The following PCDH15 variants were observed in gnomAD, a reference collection of about 807,000 sequenced individuals.
The protein encoded by PCDH15 is protocadherin-15.
A neutral mutation model predicts 178.5 loss-of-function variants in PCDH15; 129 were observed. That is an observed-to-expected ratio of 0.72 (90% confidence interval 0.63 to 0.84). PCDH15 has a LOEUF of 0.84. Ranked by LOEUF, PCDH15 falls within the 40% of genes least tolerant of loss-of-function variation. The probability of loss-of-function intolerance (pLI) is 0.00; values close to 1 mark genes in which losing one functional copy is unlikely to be tolerated. For synonymous variants in PCDH15, 800 were observed against 732.0 expected, an observed-to-expected ratio of 1.09 and a Z score of -1.50; for missense variants, 2,230 against 2,099.9, an observed-to-expected ratio of 1.06 and a Z score of -1.21.
At chr10:54,614,451 A>G (rs1407825886) in intron 2 of PCDH15, among the ~76,000 whole-genome samples, 2 of 152,186 alleles carry the variant, frequency 1.3e-5, no homozygotes, top group East Asian at 3.9e-4. Context: ...AGGAATTTTA[A>G]TGGCTTAAAA....
chr10:54,654,697 T>C (rs2094337156), intron 2 of PCDH15, among the ~76,000 whole-genome samples: 1 of 152,192 alleles, frequency 6.6e-6, no homozygotes, highest in African/African-American at 2.4e-5. Flanking sequence ...AAGTTTATAA[T>C]TACATTTTTG....
At position 54,295,207 on chromosome 10, in the gene PCDH15, T is replaced by C. The variant is rs145993872; in HGVS notation, c.876+22064A>G. On this transcript the variant is annotated intron_variant, in intron 8 of 37. Transcript: ENST00000644397. ...AGAACTTTTGTGTCTAGCTAAAGGA[T>C]TGTAAATGCACCAATCAGCACTCTG... is the stretch of plus-strand genomic sequence containing the variant. Among the ~76,000 whole-genome samples the C allele has an allele frequency of 6.3e-3, 966 of 152,204 alleles. 8 individuals are homozygous for C. The highest frequency in any genetic ancestry group is 0.022 in the African/African-American group (901 of 41,546).
rs1420230004 is a variant in PCDH15, at chr10:54,306,974, G to A, written c.876+10297C>T. Among the ~76,000 whole-genome samples, 3 of 140,126 alleles carry A rather than the reference G, an allele frequency of 2.1e-5. No homozygotes were observed. In the Admixed American group the frequency reaches 2.3e-4, roughly 11 times the overall value. 91.9% of individuals were successfully genotyped at this position (140,126 alleles called of 152,430 possible). A position where few individuals can be genotyped will look rare whatever the true frequency, so the allele number is the denominator to read the frequency against. Reference sequence around the variant, plus strand: ...TAATAGTTTACTTTTATGTAGGCCAGAGTCATTTGGCTTGTTTGAAATTAA... The same window carrying A: ...TAATAGTTTACTTTTATGTAGGCCAAAGTCATTTGGCTTGTTTGAAATTAA... On this transcript the variant is annotated intron_variant, in intron 8 of 37. Coordinates refer to ENST00000644397, the MANE Select transcript of PCDH15 (RefSeq NM_001384140.1).
rs561661056 is a variant in PCDH15 at position 54,433,158 on chromosome 10, T to C, written c.158-54216A>G. Among the ~76,000 whole-genome samples the C allele has an allele frequency of 3.3e-5, 5 of 152,280 alleles. No individual in the cohort carries two copies. The East Asian group carries it at 9.7e-4, about 29-fold the overall frequency. On this transcript the variant is annotated intron_variant, in intron 3 of 37. Coordinates refer to ENST00000644397, the MANE Select transcript of PCDH15 (RefSeq NM_001384140.1). ...AGTACAACTACTATGGAGAGCAGTT[T>C]AGAGGTTCCTCAGAAAACTAAAAAT...
At chr10:54,632,109 AATGAAATC>A (rs1177919097) in intron 2 of PCDH15, among the ~76,000 whole-genome samples, 1 of 151,796 alleles carries the variant, frequency 6.6e-6, no homozygotes, top group African/African-American at 2.4e-5. Context: ...ATAAAACAAG[AATGAAATC>A]ATGTCCCTTA....
At chr10:54,548,588 ATATATT>A (rs893871181) in intron 2 of PCDH15, among the ~76,000 whole-genome samples, 1 of 146,336 alleles carries the variant, frequency 6.8e-6, no homozygotes, top group Non-Finnish European at 1.5e-5. Context: ...ATATTATTGT[ATATATT>A]TATATTATAT....
chr10:53,857,351 A>G (rs758580263), intron 27 of PCDH15, 88 bp from the exon 28 acceptor site: 12 of 884,356 alleles, frequency 1.4e-5, no homozygotes, highest in Non-Finnish European at 2.1e-5. Flanking sequence ...CTTCCCTACT[A>G]TGCATAGACA....
chr10:55,083,630 G>A (rs552009926), intron 2 of PCDH15, among the ~76,000 whole-genome samples: 3 of 151,864 alleles, frequency 2.0e-5, no homozygotes, highest in East Asian at 3.9e-4. Flanking sequence ...AATTATCCCT[G>A]TTTGCAAATG....
At chr10:55,596,401 A>C (rs531753099) in intron 2 of PCDH15, among the ~76,000 whole-genome samples, 1 of 152,218 alleles carries the variant, frequency 6.6e-6, no homozygotes, top group Non-Finnish European at 1.5e-5. Flanking sequence ...TATTTTAGAA[A>C]AATTGTAAAG....
chr10:55,410,463 T>G (rs1838304168), intron 2 of PCDH15, among the ~76,000 whole-genome samples: 1 of 152,158 alleles, frequency 6.6e-6, no homozygotes, highest in Non-Finnish European at 1.5e-5. Context: ...AGACGAAGAA[T>G]AAATAGCTTT....
chr10:54,438,937 C>T (rs1383926825), intron 3 of PCDH15, among the ~76,000 whole-genome samples: 2 of 152,046 alleles, frequency 1.3e-5, no homozygotes, highest in African/African-American at 4.8e-5. Flanking sequence ...CATAAGAGCA[C>T]AGGTAATTGA....
At chr10:53,944,946 C>G (rs1200757551) in intron 23 of PCDH15, among the ~76,000 whole-genome samples, 1 of 152,162 alleles carries the variant, frequency 6.6e-6, no homozygotes, top group Non-Finnish European at 1.5e-5. Context: ...CCTATTTACT[C>G]CACAACGGCA....
chr10:55,565,208 C>A (rs796622637), intron 2 of PCDH15, among the ~76,000 whole-genome samples: 14 of 151,466 alleles, frequency 9.2e-5, no homozygotes, highest in South Asian at 4.2e-4. Flanking sequence ...GTGGAAAAAT[C>A]AAAAAATATG....
chr10:55,175,852 G>A (rs759723987), intron 1 of PCDH15, among the ~76,000 whole-genome samples: 2 of 152,030 alleles, frequency 1.3e-5, no homozygotes, highest in African/African-American at 2.4e-5. Context: ...CAGAATCCCT[G>A]AGATGTACCT....
At chr10:55,598,904 C>A (rs4363502) in intron 2 of PCDH15, among the ~76,000 whole-genome samples, 46,617 of 151,750 alleles carry the variant, frequency 0.31, 7,316 homozygotes, top group African/African-American at 0.38. Context: ...TCGGCTTACA[C>A]CCGGAAGATT....
intron 26 of PCDH15, among the ~76,000 whole-genome samples, chr10:53,889,026 TAA>T (rs768006465): frequency 7.5e-5 from 10 of 134,146 alleles, no homozygotes; most frequent in African/African-American, 1.1e-4. Context: ...ACATGGGAAA[TAA>T]AAAAAAAAAA....
chr10:54,147,575 T>C (rs72797065), intron 14 of PCDH15, among the ~76,000 whole-genome samples: 4,491 of 151,936 alleles, frequency 0.03, 86 homozygotes, highest in Middle Eastern at 0.082. Flanking sequence ...TCAAATGTAA[T>C]ATATTGGCCA....
rs1389803512 is a variant in PCDH15, at chr10:55,552,904, C to T, written c.-156+74721G>A. On this transcript the variant is annotated intron_variant, in intron 2 of 5. Transcript: ENST00000613346. ...GTTTACATTTTAGAAATAATTTAAA[C>T]TTAAATATGTTAATCCATGTAATCT... is the stretch of plus-strand genomic sequence containing the variant. Among the ~76,000 whole-genome samples the T allele has an allele frequency of 2.6e-5, 4 of 151,546 alleles. No homozygotes were observed. In the South Asian group the frequency reaches 6.2e-4, roughly 24 times the overall value.
chr10:53,884,930 C>A (rs889393448), intron 26 of PCDH15, among the ~76,000 whole-genome samples: 2 of 152,030 alleles, frequency 1.3e-5, no homozygotes, highest in East Asian at 1.9e-4. Context: ...ACATAATATA[C>A]CATTAATACT....
Sources: gnomAD v4.1 joint callset for allele counts (sites outside exome capture counted in the v4.1 genomes callset) on GRCh38, gnomAD v4.1.1 for gene constraint, MANE v1.5 for transcripts, NCBI Gene and HGNC (gene_info 2026-07-23, HGNC 2026-07-21) for gene names.